Variants in SHISA9 observed in about 807,000 individuals in gnomAD.
The protein encoded by SHISA9 is protein shisa-9.
A neutral mutation model predicts 38.0 loss-of-function variants in SHISA9; 13 were observed. The observed-to-expected ratio is 0.34, with a 90% CI of 0.22 to 0.54. The LOEUF (loss-of-function observed/expected upper bound fraction) is 0.54, where lower values mean the gene tolerates loss of function less well. Among genes scored for constraint, SHISA9 ranks in the 20% least tolerant of loss-of-function variants. SHISA9 has a pLI of 0.91. For missense variants in SHISA9, 538 were observed against 575.8 expected (o/e 0.93, Z 0.67); for synonymous variants, 275 against 242.0 (o/e 1.14, Z -1.27).
At position 12,941,621 on chromosome 16, in the gene SHISA9, G is replaced by T. The variant is rs2071612714; in HGVS notation, c.691+24806G>T. Among the ~76,000 whole-genome samples the T allele has an allele frequency of 2.0e-5, 3 of 152,112 alleles. No homozygotes were observed. The South Asian group carries it at 6.2e-4, about 32-fold the overall frequency. On this transcript the variant is annotated intron_variant, in intron 2 of 4. Coordinates refer to ENST00000558583, the MANE Select transcript of SHISA9 (RefSeq NM_001145204.3). ...TGCCTATAATCCTAGCACTCTGGGA[G>T]GCTGAGGCAGGCTCACCTGAGGTCA...
At chr16:13,216,999 C>A (rs964527736) in intron 4 of SHISA9, among the ~76,000 whole-genome samples, 2 of 151,866 alleles carry the variant, frequency 1.3e-5, no homozygotes, top group African/African-American at 4.8e-5. Context: ...GGGCTGGGCG[C>A]GGTGGCTCAC....
chr16:13,162,272 CTT>C (rs2050601751), intron 2 of SHISA9, among the ~76,000 whole-genome samples: 1 of 152,044 alleles, frequency 6.6e-6, no homozygotes, highest in Admixed American at 6.6e-5. Flanking sequence ...AATAAAGAGA[CTT>C]TGAGTTTTTA....
the SHISA9 span, among the ~76,000 whole-genome samples, chr16:13,490,056 A>T: frequency 5.9e-5 from 9 of 152,238 alleles, no homozygotes; most frequent in African/African-American, 1.9e-4. Context: ...TGTCAATTTC[A>T]TATGGTAGGA....
chr16:13,397,624 C>T, the SHISA9 span, among the ~76,000 whole-genome samples: 23 of 152,132 alleles, frequency 1.5e-4, no homozygotes, highest in East Asian at 1.4e-3. Flanking sequence ...TTAGTAGAGA[C>T]GAGGTTTCAC....
chr16:13,455,024 A>G, the SHISA9 span, among the ~76,000 whole-genome samples: 4 of 149,094 alleles, frequency 2.7e-5, no homozygotes, highest in Non-Finnish European at 6.0e-5. Context: ...TTTTTTTTTT[A>G]TCATATCCCC....
the SHISA9 span, among the ~76,000 whole-genome samples, chr16:13,393,013 A>C: frequency 3.9e-5 from 6 of 152,196 alleles, no homozygotes; most frequent in Non-Finnish European, 1.5e-5. Flanking sequence ...CTTGGAAACT[A>C]ATACAACGCC....
chr16:13,463,313 G>A, the SHISA9 span, among the ~76,000 whole-genome samples: 2 of 152,206 alleles, frequency 1.3e-5, no homozygotes, highest in South Asian at 4.1e-4. Flanking sequence ...AGTAGCAGGT[G>A]TGGAGAGAGA....
intron 2 of SHISA9, among the ~76,000 whole-genome samples, chr16:13,186,647 C>G (rs1024586136): frequency 4.6e-5 from 7 of 152,214 alleles, no homozygotes; most frequent in African/African-American, 1.7e-4. Context: ...TTAGTACATT[C>G]GCATTGTTGT....
In SHISA9 at chr16:12,918,334, C is replaced by G. The variant is rs183341083; in HGVS notation, c.691+1519C>G. Among the ~76,000 whole-genome samples, 5 of 152,220 alleles carry G rather than the reference C, an allele frequency of 3.3e-5. No homozygotes were observed. The South Asian group carries it at 8.3e-4, about 25-fold the overall frequency. On this transcript the variant is annotated intron_variant, in intron 2 of 4. Transcript: ENST00000558583. Reference sequence around the variant, plus strand: ...AGTCGTGTGCTTCAGTCCCAGACATCGTATACAAATGAACATGATCACAGA... The same window carrying G: ...AGTCGTGTGCTTCAGTCCCAGACATGGTATACAAATGAACATGATCACAGA...
At chr16:13,407,194 T>G in the SHISA9 span, among the ~76,000 whole-genome samples, 4 of 151,814 alleles carry the variant, frequency 2.6e-5, no homozygotes, top group African/African-American at 9.7e-5. Context: ...TTCTCACCAT[T>G]CTGGAGGCCA....
chr16:12,946,647 A>C (rs2071691733), intron 2 of SHISA9, among the ~76,000 whole-genome samples: 1 of 152,242 alleles, frequency 6.6e-6, no homozygotes, highest in South Asian at 2.1e-4. Context: ...CTTTTGTGTC[A>C]GTCAGTCCCC....
intron 4 of SHISA9, among the ~76,000 whole-genome samples, chr16:13,229,099 G>T (rs1221895658): frequency 6.6e-6 from 1 of 152,342 alleles, no homozygotes; most frequent in East Asian, 1.9e-4. Context: ...GGCAAAGGCT[G>T]TAGTGAGCTA....
intron 2 of SHISA9, among the ~76,000 whole-genome samples, chr16:13,018,693 C>G (rs1448194337): frequency 6.6e-6 from 1 of 152,166 alleles, no homozygotes; most frequent in African/African-American, 2.4e-5. Flanking sequence ...GCTCAAAATC[C>G]TTTATTGATT....
At chr16:13,071,563 T>TCCTTCCTC (rs750883919) in intron 2 of SHISA9, among the ~76,000 whole-genome samples, 2 of 138,194 alleles carry the variant, frequency 1.4e-5, no homozygotes, top group Non-Finnish European at 3.0e-5. Flanking sequence ...CCTTTTTCCT[T>TCCTTCCTC]CCTTCCTCCC....
the SHISA9 span, among the ~76,000 whole-genome samples, chr16:13,390,049 A>T: frequency 6.6e-6 from 1 of 152,222 alleles, no homozygotes. Context: ...TTGAAAAGAA[A>T]ATCAGAATGC....
At position 13,110,049 on chromosome 16, in the gene SHISA9, A is replaced by T. The variant is rs553256010; in HGVS notation, c.692-93345A>T. The stretch of plus-strand genomic sequence containing the variant: ...GAATTGCTGGGTAATATATATTAAG[A>T]TTATATTCAACTTTTCAAGAAAGGA... On this transcript the variant is annotated intron_variant, in intron 2 of 4. Transcript: ENST00000558583. Among the ~76,000 whole-genome samples the T allele has an allele frequency of 3.9e-4, 60 of 152,222 alleles. No homozygotes were observed. In the South Asian group the frequency reaches 5.6e-3, roughly 14 times the overall value.
At chr16:13,359,752 G>T in the SHISA9 span, among the ~76,000 whole-genome samples, 3 of 152,316 alleles carry the variant, frequency 2.0e-5, no homozygotes, top group African/African-American at 4.8e-5. Flanking sequence ...GTTGGTGCCA[G>T]TGTCACTTTC....
the SHISA9 span, among the ~76,000 whole-genome samples, chr16:13,451,966 G>A: frequency 6.6e-6 from 1 of 152,194 alleles, no homozygotes; most frequent in Non-Finnish European, 1.5e-5. Context: ...CAGAGAGACT[G>A]CTTTTGCAAA....
At chr16:13,253,720 A>G in the SHISA9 span, among the ~76,000 whole-genome samples, 1 of 152,180 alleles carries the variant, frequency 6.6e-6, no homozygotes, top group African/African-American at 2.4e-5. Context: ...GCTAAAATTC[A>G]AGATGAGATT....
Sources: gnomAD v4.1 joint callset for allele counts (sites outside exome capture counted in the v4.1 genomes callset) on GRCh38, gnomAD v4.1.1 for gene constraint, MANE v1.5 for transcripts, NCBI Gene and HGNC (gene_info 2026-07-23, HGNC 2026-07-21) for gene names.